WDPCP: variants seen among roughly 807,000 people sequenced by gnomAD.
The protein encoded by WDPCP is WD repeat-containing and planar cell polarity effector protein fritz homolog.
In WDPCP, 71 loss-of-function variants were observed where a neutral mutation model predicts 93.1. The ratio of observed to expected loss-of-function variants is 0.76; its 90% confidence interval spans 0.63 to 0.93. WDPCP has a LOEUF of 0.93. Ranked by LOEUF, WDPCP falls within the 40% of genes least tolerant of loss-of-function variation. The probability of loss-of-function intolerance (pLI) is 0.00; values close to 1 mark genes in which losing one functional copy is unlikely to be tolerated. For synonymous variants in WDPCP, 315 were observed against 315.0 expected (o/e 1.00, Z 0.00); for missense variants, 844 against 887.4 (o/e 0.95, Z 0.62).
At chr2:63,286,841 T>G (rs572283316) in intron 13 of WDPCP, among the ~76,000 whole-genome samples, 107 of 152,372 alleles carry the variant, frequency 7.0e-4, no homozygotes, top group African/African-American at 2.5e-3. Context: ...TTTTAATTTT[T>G]TATCAAGTTT....
chr2:63,549,026 A>G (rs895511289), intron 1 of WDPCP, among the ~76,000 whole-genome samples: 1 of 152,042 alleles, frequency 6.6e-6, no homozygotes, highest in South Asian at 2.1e-4. Context: ...AGGTGGGTGG[A>G]TCACCTGAGG....
At chr2:63,270,415 A>G (rs1682535034) in intron 13 of WDPCP, among the ~76,000 whole-genome samples, 1 of 151,284 alleles carries the variant, frequency 6.6e-6, no homozygotes, top group African/African-American at 2.4e-5. Context: ...TTACTGGACT[A>G]TTTAATTTTT....
intron 1 of WDPCP, among the ~76,000 whole-genome samples, chr2:63,533,740 G>A (rs966489423): frequency 1.3e-5 from 2 of 152,100 alleles, no homozygotes; most frequent in African/African-American, 4.8e-5. Flanking sequence ...AGCACTAAAT[G>A]CCCACAAGAG....
At chr2:63,290,892 A>G (rs908805457) in intron 13 of WDPCP, among the ~76,000 whole-genome samples, 3 of 152,230 alleles carry the variant, frequency 2.0e-5, no homozygotes, top group East Asian at 3.9e-4. Context: ...TAATTTGTCT[A>G]TGCTGTGCCA....
At chr2:63,263,509 A>G (rs1441624085) in intron 13 of WDPCP, among the ~76,000 whole-genome samples, 1 of 152,036 alleles carries the variant, frequency 6.6e-6, no homozygotes, top group Non-Finnish European at 1.5e-5. Context: ...CCATGGGATC[A>G]CTCTTACCAG....
At chr2:63,464,899 G>C (rs1042611550) in intron 6 of WDPCP, among the ~76,000 whole-genome samples, 3 of 151,852 alleles carry the variant, frequency 2.0e-5, no homozygotes, top group African/African-American at 7.3e-5. Flanking sequence ...GGAAAAGGGG[G>C]CATTGTTGTT....
At chr2:63,292,990 C>T (rs761402328) in intron 13 of WDPCP, among the ~76,000 whole-genome samples, 14 of 152,144 alleles carry the variant, frequency 9.2e-5, no homozygotes, top group Admixed American at 2.6e-4. Flanking sequence ...CTGTCTGGAA[C>T]GAGGGTGAGC....
intron 2 of WDPCP, among the ~76,000 whole-genome samples, chr2:63,654,086 T>C (rs1285119233): frequency 1.3e-5 from 2 of 152,076 alleles, no homozygotes; most frequent in Non-Finnish European, 2.9e-5. Context: ...TTTTAAAGAA[T>C]ATATGAGCAC....
At chr2:63,431,438 T>G (rs1301891241) in intron 9 of WDPCP, among the ~76,000 whole-genome samples, 1 of 152,166 alleles carries the variant, frequency 6.6e-6, no homozygotes, top group African/African-American at 2.4e-5. Context: ...GTAGATCCAA[T>G]GATTAAATTT....
intron 2 of WDPCP, among the ~76,000 whole-genome samples, chr2:63,489,277 G>T (rs1700737432): frequency 6.6e-6 from 1 of 151,952 alleles, no homozygotes; most frequent in South Asian, 2.1e-4. Context: ...ATATGGAAAG[G>T]GAGAAAATTA....
At chr2:63,485,052 G>A (rs1700487302) in intron 4 of WDPCP, 65 bp from the exon 5 acceptor site, 9 of 1,566,030 alleles carry the variant, frequency 5.7e-6, no homozygotes, top group East Asian at 2.2e-5. Flanking sequence ...CTGCTTAGCA[G>A]TGTGCCTTAG....
chr2:63,551,757 T>A (rs1024585004), intron 1 of WDPCP, among the ~76,000 whole-genome samples: 2 of 152,248 alleles, frequency 1.3e-5, no homozygotes, highest in Middle Eastern at 6.8e-3. Context: ...GCTGGCATAA[T>A]GCTTTTGTTT....
intron 2 of WDPCP, among the ~76,000 whole-genome samples, chr2:63,686,898 A>C (rs1038634190): frequency 2.0e-5 from 3 of 151,700 alleles, no homozygotes; most frequent in Non-Finnish European, 4.4e-5. Context: ...TGTGCTGAAA[A>C]AACTGTATAT....
intron 2 of WDPCP, among the ~76,000 whole-genome samples, chr2:63,736,477 C>T (rs1352041907): frequency 6.6e-6 from 1 of 152,200 alleles, no homozygotes; most frequent in East Asian, 1.9e-4. Flanking sequence ...TTACAGAGAA[C>T]TTGTGGTCTC....
At chr2:63,812,588 A>AT (rs1670878193) in intron 2 of WDPCP, among the ~76,000 whole-genome samples, 1 of 151,904 alleles carries the variant, frequency 6.6e-6, no homozygotes, top group Admixed American at 6.6e-5. Context: ...GTTTTTTTCA[A>AT]TTTTTTAATA....
At chr2:63,723,106 C>T (rs1456394737) in intron 2 of WDPCP, among the ~76,000 whole-genome samples, 3 of 151,864 alleles carry the variant, frequency 2.0e-5, no homozygotes, top group Non-Finnish European at 4.4e-5. Context: ...TAAGAGTCAT[C>T]ACCACTCCCT....
chr2:63,621,275 T>C (rs1294659881), intron 3 of WDPCP, among the ~76,000 whole-genome samples: 1 of 151,748 alleles, frequency 6.6e-6, no homozygotes, highest in Non-Finnish European at 1.5e-5. Flanking sequence ...GCTAAGAACC[T>C]TGAAAAAAGG....
chr2:63,439,043 T>C (rs1009243901), intron 7 of WDPCP, among the ~76,000 whole-genome samples: 2 of 152,146 alleles, frequency 1.3e-5, no homozygotes, highest in Non-Finnish European at 2.9e-5. Flanking sequence ...ACATGTTCCT[T>C]AGTAGCTCAG....
In WDPCP at chr2:63,174,910, C is replaced by A. The variant is rs564751697; in HGVS notation, c.1916-78G>T. ...CTCCCTTATAAGTAAGATTACAGAA[C>A]AACATTCACATATCCCAGTGGAACT... On this transcript the variant is annotated intron_variant, in intron 14 of 17. Transcript: ENST00000272321. The A allele has an allele frequency of 1.6e-4, 240 of 1,476,282 alleles. No individual in the cohort carries two copies. The Middle Eastern group carries it at 2.0e-3, about 12-fold the overall frequency. The allele number at this position is 1,476,282 out of a possible 1,614,324, so 91.4% of individuals were successfully genotyped here. A position where few individuals can be genotyped will look rare whatever the true frequency, so the allele number is the denominator to read the frequency against.
Sources: gnomAD v4.1 joint callset for allele counts (sites outside exome capture counted in the v4.1 genomes callset) on GRCh38, gnomAD v4.1.1 for gene constraint, MANE v1.5 for transcripts, NCBI Gene and HGNC (gene_info 2026-07-23, HGNC 2026-07-21) for gene names.